Variants in TNFSF4 observed in about 807,000 individuals in gnomAD.
TNFSF4 encodes tumor necrosis factor ligand superfamily member 4.
Under a neutral mutation model 7.3 loss-of-function variants are expected in TNFSF4, and 4 were observed. The ratio of observed to expected loss-of-function variants is 0.55; its 90% CI spans 0.27 to 1.25. The LOEUF is 1.25. Among genes scored for constraint, TNFSF4 ranks in the 50% most tolerant of loss-of-function variants. The pLI is 0.12. For synonymous variants in TNFSF4, 76 were observed against 83.7 expected, an observed-to-expected ratio of 0.91 and a Z score of 0.50; for missense variants, 181 against 208.8, an observed-to-expected ratio of 0.87 and a Z score of 0.82.
At position 173,186,569 on chromosome 1, in the gene TNFSF4, C is replaced by T; in HGVS notation, c.499G>A (p.Gly167Ser). Reference sequence around the variant, plus strand: ...TGATGGATAAGAATCAGTTCTCCGCCATTCACATGGAAGTCATCCAGGGAG... The same window carrying T: ...TGATGGATAAGAATCAGTTCTCCGCTATTCACATGGAAGTCATCCAGGGAG... ...NTSLDDFHVN[G>S]GELILIHQNP... Residue 167 changes from glycine to serine, a missense_variant, in exon 3 of 3, where the codon GGC becomes AGC. Gly to Ser is a moderately conservative substitution (Grantham distance 56). Coordinates refer to ENST00000281834, the MANE Select transcript of TNFSF4 (RefSeq NM_003326.5). The T allele has an allele frequency of 1.9e-6, 3 of 1,614,100 alleles. No individual in the cohort carries two copies. The highest frequency in any genetic ancestry group is 2.5e-6 in the Non-Finnish European group (3 of 1,179,980).
At chr1:173,309,847 A>G in the TNFSF4 span, among the ~76,000 whole-genome samples, 2 of 151,998 alleles carry the variant, frequency 1.3e-5, no homozygotes, top group Admixed American at 1.3e-4. Flanking sequence ...GATGGACTCA[A>G]TTTCCTAGTG....
chr1:173,347,178 T>C, the TNFSF4 span, among the ~76,000 whole-genome samples: 4 of 152,228 alleles, frequency 2.6e-5, no homozygotes, highest in Non-Finnish European at 5.9e-5. Flanking sequence ...CACTATCTCC[T>C]TGAATGATTC....
At chr1:173,362,996 G>T in the TNFSF4 span, 1 of 353,714 alleles carries the variant, frequency 2.8e-6, no homozygotes, top group South Asian at 3.0e-5. Flanking sequence ...CTTGCACTGG[G>T]AAAATGCGGA....
the TNFSF4 span, among the ~76,000 whole-genome samples, chr1:173,446,131 GAGA>G: frequency 2.0e-5 from 3 of 151,950 alleles, no homozygotes; most frequent in Admixed American, 1.3e-4. Context: ...TGCTACCACT[GAGA>G]AGACCAAGAT....
chr1:173,367,613 C>CA, the TNFSF4 span, among the ~76,000 whole-genome samples: 2 of 152,038 alleles, frequency 1.3e-5, no homozygotes, highest in Non-Finnish European at 2.9e-5. Context: ...GCAAATTTTG[C>CA]AAAAACATAA....
the TNFSF4 span, among the ~76,000 whole-genome samples, chr1:173,264,392 C>T: frequency 6.7e-6 from 1 of 149,944 alleles, no homozygotes; most frequent in African/African-American, 2.5e-5. Context: ...ACTCCTGGGC[C>T]CAAGTGATTC....
the TNFSF4 span, among the ~76,000 whole-genome samples, chr1:173,305,067 T>C: frequency 1.3e-5 from 2 of 151,912 alleles, no homozygotes; most frequent in African/African-American, 4.8e-5. Context: ...ACAGGAATTT[T>C]TCAGACTTCC....
At chr1:173,370,807 G>C in the TNFSF4 span, among the ~76,000 whole-genome samples, 1 of 152,182 alleles carries the variant, frequency 6.6e-6, no homozygotes, top group Non-Finnish European at 1.5e-5. Context: ...ATGGCCCTTA[G>C]TCATGGCCCT....
the TNFSF4 span, among the ~76,000 whole-genome samples, chr1:173,366,799 T>TATAC: frequency 1.3e-5 from 2 of 151,428 alleles, no homozygotes; most frequent in African/African-American, 4.9e-5. Flanking sequence ...AATTAAAATA[T>TATAC]ATATATGTCC....
the TNFSF4 span, among the ~76,000 whole-genome samples, chr1:173,372,603 TC>T: frequency 1.3e-5 from 2 of 152,158 alleles, no homozygotes; most frequent in Non-Finnish European, 2.9e-5. Flanking sequence ...CATCTTAGTA[TC>T]AGAGGCCATC....
At chr1:173,370,336 C>T in the TNFSF4 span, among the ~76,000 whole-genome samples, 4 of 152,126 alleles carry the variant, frequency 2.6e-5, no homozygotes, top group South Asian at 2.1e-4. Context: ...CAATGACAGC[C>T]GAAGAAAGGG....
the TNFSF4 span, among the ~76,000 whole-genome samples, chr1:173,353,900 G>T: frequency 2.0e-5 from 3 of 151,990 alleles, no homozygotes; most frequent in Admixed American, 6.6e-5. Flanking sequence ...TCATTAAAAT[G>T]TCCATGTTCC....
the TNFSF4 span, among the ~76,000 whole-genome samples, chr1:173,364,679 C>T: frequency 0.043 from 6,498 of 151,894 alleles, 492 homozygotes; most frequent in African/African-American, 0.15. Context: ...CTAATTATAT[C>T]ACTTTAAAGT....
chr1:173,206,219 T>C (rs1650182371), intron 1 of TNFSF4, among the ~76,000 whole-genome samples: 1 of 152,078 alleles, frequency 6.6e-6, no homozygotes, highest in Non-Finnish European at 1.5e-5. Flanking sequence ...TTTTCTCCAG[T>C]GGCATCTTCT....
chr1:173,341,837 C>A, the TNFSF4 span, among the ~76,000 whole-genome samples: 1 of 152,098 alleles, frequency 6.6e-6, no homozygotes, highest in Admixed American at 6.5e-5. Flanking sequence ...GCAGAAGCAA[C>A]CTTACCATTT....
chr1:173,345,996 G>C, the TNFSF4 span, among the ~76,000 whole-genome samples: 3 of 152,146 alleles, frequency 2.0e-5, no homozygotes, highest in Non-Finnish European at 4.4e-5. Flanking sequence ...AGGGACTTTG[G>C]GTAGGGAGGA....
At chr1:173,426,279 A>C in the TNFSF4 span, among the ~76,000 whole-genome samples, 1 of 152,184 alleles carries the variant, frequency 6.6e-6, no homozygotes, top group Non-Finnish European at 1.5e-5. Flanking sequence ...TCCCTTTGTC[A>C]GATATGGGAA....
At chr1:173,183,721 C>T (rs2101976695), downstream of TNFSF4, 1 of 152,298 alleles carries the variant, frequency 6.6e-6, no homozygotes, top group Middle Eastern at 3.4e-3. Flanking sequence ...CACTCCAACA[C>T]TCTCACCAGT....
At chr1:173,256,229 G>A in the TNFSF4 span, among the ~76,000 whole-genome samples, 1 of 152,070 alleles carries the variant, frequency 6.6e-6, no homozygotes, top group Non-Finnish European at 1.5e-5. Flanking sequence ...CTCTGCTTGG[G>A]CTGCTAAAGC....
Sources: gnomAD v4.1 joint callset for allele counts (sites outside exome capture counted in the v4.1 genomes callset) on GRCh38, gnomAD v4.1.1 for gene constraint, MANE v1.5 for transcripts, NCBI Gene and HGNC (gene_info 2026-07-23, HGNC 2026-07-21) for gene names.